The following CEP63 variants were observed in gnomAD, a reference collection of about 807,000 sequenced individuals.
CEP63 encodes the protein centrosomal protein 63, also known as centrosomal protein of 63 kDa.
Under a neutral mutation model 89.1 loss-of-function variants are expected in CEP63, and 84 were observed. The ratio of observed to expected loss-of-function variants is 0.94; its 90% CI spans 0.79 to 1.13. The LOEUF (loss-of-function observed/expected upper bound fraction) is 1.13. CEP63 is among the 50% of genes most tolerant of loss of function. The pLI, the probability that CEP63 is intolerant of heterozygous loss-of-function variation, is 0.00. For missense variants in CEP63, 838 were observed against 813.3 expected, an observed-to-expected ratio of 1.03 and a Z score of -0.37; for synonymous variants, 267 against 272.5, an observed-to-expected ratio of 0.98 and a Z score of 0.20.
the CEP63 span, among the ~76,000 whole-genome samples, chr3:134,709,273 C>T: frequency 3.9e-5 from 6 of 152,064 alleles, no homozygotes; most frequent in Admixed American, 3.9e-4. Flanking sequence ...TTGGCAACTT[C>T]AGGATTCCAG....
chr3:134,589,381 C>T (rs1281129718), downstream of CEP63, among the ~76,000 whole-genome samples: 2 of 152,032 alleles, frequency 1.3e-5, no homozygotes, highest in African/African-American at 4.8e-5. Context: ...TTATTCCAAG[C>T]ATGCAAGTTT....
chr3:134,521,185 G>T (rs1166026914), intron 3 of CEP63, among the ~76,000 whole-genome samples: 1 of 152,044 alleles, frequency 6.6e-6, no homozygotes, highest in East Asian at 1.9e-4. Context: ...TGGTTTCACA[G>T]GTTACTAGGA....
At chr3:134,650,447 T>TG in the CEP63 span, among the ~76,000 whole-genome samples, 61 of 152,148 alleles carry the variant, frequency 4.0e-4, 1 homozygote, top group African/African-American at 9.6e-4. Flanking sequence ...CAGTGTGCTG[T>TG]GGGGGGGAGC....
At chr3:134,656,345 C>G in the CEP63 span, among the ~76,000 whole-genome samples, 2 of 152,154 alleles carry the variant, frequency 1.3e-5, no homozygotes, top group Non-Finnish European at 2.9e-5. Flanking sequence ...GAAGTGAAAG[C>G]AGGCCAGTCT....
chr3:134,644,294 T>G, the CEP63 span, among the ~76,000 whole-genome samples: 3 of 152,268 alleles, frequency 2.0e-5, no homozygotes, highest in South Asian at 6.2e-4. Context: ...GGACACAGAG[T>G]TGTCCTCAGA....
At chr3:134,745,271 C>T in the CEP63 span, among the ~76,000 whole-genome samples, 3 of 152,288 alleles carry the variant, frequency 2.0e-5, 1 homozygote, top group African/African-American at 7.2e-5. Flanking sequence ...TGTATGTTGT[C>T]TGGACTTTTA....
intron 12 of CEP63, among the ~76,000 whole-genome samples, chr3:134,555,026 T>C (rs1201523094): frequency 2.0e-5 from 3 of 152,150 alleles, no homozygotes; most frequent in African/African-American, 4.8e-5. Context: ...AAAAACCACA[T>C]GATTATCTCA....
chr3:134,546,422 A>T lies in CEP63; in HGVS notation c.929+134A>T, dbSNP rs1953331569. 3 of 802,718 alleles carry T rather than the reference A, an allele frequency of 3.7e-6. No individual in the cohort carries two copies. In the East Asian group the frequency reaches 9.1e-5, roughly 24 times the overall value. The allele number at this position is 802,718 out of a possible 1,614,324, so 49.7% of individuals were successfully genotyped here. On this transcript the variant is annotated intron_variant, in intron 8 of 14. Coordinates refer to ENST00000675561, the MANE Select transcript of CEP63 (RefSeq NM_001353108.3). ...TGCCCAGACTGGAGTGCAGTGGTGC[A>T]ATCTCAGCTCACTGCAACCTCAACC...
intron 3 of CEP63, among the ~76,000 whole-genome samples, chr3:134,526,411 C>T (rs1423387350): frequency 6.6e-6 from 1 of 152,030 alleles, no homozygotes; most frequent in Non-Finnish European, 1.5e-5. Flanking sequence ...CTTGTGATTT[C>T]ATTATGAAAT....
chr3:134,621,975 T>C, the CEP63 span, among the ~76,000 whole-genome samples: 2 of 152,152 alleles, frequency 1.3e-5, no homozygotes, highest in South Asian at 4.1e-4. Flanking sequence ...CTCAACATCC[T>C]TAGTCATGAG....
chr3:134,739,269 T>C, the CEP63 span, among the ~76,000 whole-genome samples: 1,744 of 152,324 alleles, frequency 0.011, 32 homozygotes, highest in African/African-American at 0.039. Context: ...TATAAATAAA[T>C]GTGATATCTA....
chr3:134,715,359 C>T, the CEP63 span, among the ~76,000 whole-genome samples: 1 of 151,726 alleles, frequency 6.6e-6, no homozygotes, highest in African/African-American at 2.4e-5. Flanking sequence ...CTCTAAGTCA[C>T]CTAGCGATGA....
At chr3:134,593,603 G>A in the CEP63 span, among the ~76,000 whole-genome samples, 1 of 152,172 alleles carries the variant, frequency 6.6e-6, no homozygotes, top group Non-Finnish European at 1.5e-5. Flanking sequence ...TGAGGAGGAG[G>A]AGGGGTCCAC....
rs576069242 is a variant in CEP63 at position 134,511,899 on chromosome 3, G to A, written c.222+4613G>A. Among the ~76,000 whole-genome samples the A allele has an allele frequency of 7.3e-4, 111 of 152,266 alleles. 1 individual carries two copies. Among genetic ancestry groups the A allele is most frequent in the South Asian group, 4.1e-3 (20 of 4,820 alleles). ...GTAGGGACACAGCCAAACCACATCA[G>A]TCATTCTTACTTGTTTGAAAGGTAC... is the stretch of plus-strand genomic sequence containing the variant. On this transcript the variant is annotated intron_variant, in intron 3 of 14. Coordinates refer to ENST00000675561, the MANE Select transcript of CEP63 (RefSeq NM_001353108.3).
chr3:134,771,523 T>A, the CEP63 span, among the ~76,000 whole-genome samples: 1 of 151,664 alleles, frequency 6.6e-6, no homozygotes, highest in Admixed American at 6.6e-5. Context: ...TGGGGCCTGA[T>A]AATTTGCATT....
the CEP63 span, among the ~76,000 whole-genome samples, chr3:134,739,686 C>T: frequency 2.7e-5 from 4 of 150,234 alleles, no homozygotes; most frequent in African/African-American, 9.8e-5. Flanking sequence ...ACTTTAAAAA[C>T]ATGCAAATCA....
At chr3:134,625,025 C>T in the CEP63 span, 1 of 1,566,412 alleles carries the variant, frequency 6.4e-7, no homozygotes, top group Non-Finnish European at 8.7e-7. Context: ...TTGAAGGGGC[C>T]CATGGTCAGA....
At chr3:134,519,232 T>G (rs1344683928) in intron 3 of CEP63, among the ~76,000 whole-genome samples, 1 of 151,954 alleles carries the variant, frequency 6.6e-6, no homozygotes, top group African/African-American at 2.4e-5. Context: ...CAAGCGATTC[T>G]CCTGCCTCAG....
At chr3:134,641,452 A>G in the CEP63 span, among the ~76,000 whole-genome samples, 1 of 152,146 alleles carries the variant, frequency 6.6e-6, no homozygotes, top group East Asian at 1.9e-4. Flanking sequence ...AGGCAATGTG[A>G]CAATGGAAGC....
Sources: allele counts gnomAD v4.1 joint callset (sites outside exome capture counted in the v4.1 genomes callset), GRCh38; gene constraint gnomAD v4.1.1; transcripts MANE v1.5; gene names NCBI Gene and HGNC (gene_info 2026-07-23, HGNC 2026-07-21).